TMEM87B: variants seen among roughly 807,000 people sequenced by gnomAD.
TMEM87B encodes transmembrane protein 87B.
A neutral mutation model predicts 80.3 loss-of-function variants in TMEM87B; 83 were observed. That is an observed-to-expected ratio of 1.03 (90% CI 0.87 to 1.24). The LOEUF is 1.24. Among genes scored for constraint, TMEM87B ranks in the 50% most tolerant of loss-of-function variants. The pLI is 0.00. For missense variants in TMEM87B, 625 were observed against 674.4 expected (o/e 0.93, Z 0.81); for synonymous variants, 219 against 230.5 (o/e 0.95, Z 0.45).
chr2:112,066,845 C>A (rs993892231), intron 3 of TMEM87B, 91 bp from the exon 4 acceptor site: 5 of 1,168,088 alleles, frequency 4.3e-6, no homozygotes, highest in Non-Finnish European at 5.8e-6. Flanking sequence ...ACTGAATATA[C>A]TTTTGGTATT....
chr2:112,117,617 C>T lies in TMEM87B; in HGVS notation c.*1474C>T, dbSNP rs1423019613. The T allele has an allele frequency of 1.3e-5, 2 of 151,880 alleles. No individual in the cohort carries two copies. Among genetic ancestry groups the T allele is most frequent in the Non-Finnish European group, 2.9e-5 (2 of 67,970 alleles). 9.4% of individuals were successfully genotyped at this position (151,880 alleles called of 1,614,324 possible). Reference sequence around the variant, plus strand: ...TGTTGGCAAACATTACCGAGAAAATCATGCTTTTCAAGATGCCCTTGCTTT... The same window carrying T: ...TGTTGGCAAACATTACCGAGAAAATTATGCTTTTCAAGATGCCCTTGCTTT... On this transcript the variant is annotated 3_prime_UTR_variant, in exon 19 of 19. Transcript: ENST00000283206.
At chr2:112,103,899 G>A (rs1679697030) in intron 15 of TMEM87B, among the ~76,000 whole-genome samples, 1 of 152,192 alleles carries the variant, frequency 6.6e-6, no homozygotes, top group Non-Finnish European at 1.5e-5. Flanking sequence ...TAAGGATAGA[G>A]AAATCCATCA....
chr2:112,075,837 A>C (rs1360738111), intron 5 of TMEM87B, among the ~76,000 whole-genome samples: 2 of 152,238 alleles, frequency 1.3e-5, no homozygotes, highest in Non-Finnish European at 2.9e-5. Context: ...ACTTTGTACA[A>C]AATCTGTCAT....
chr2:112,098,839 T>C, intron 14 of TMEM87B, 141 bp downstream of exon 14: 1 of 724,764 alleles, frequency 1.4e-6, no homozygotes, highest in South Asian at 1.8e-5. Context: ...GCAAAACAAA[T>C]GCAAGACAGT....
chr2:112,082,716 T>C (rs1679035410), intron 8 of TMEM87B, among the ~76,000 whole-genome samples: 1 of 151,980 alleles, frequency 6.6e-6, no homozygotes, highest in Non-Finnish European at 1.5e-5. Flanking sequence ...AACCAGATGA[T>C]GAAGGAAGGG....
intron 10 of TMEM87B, among the ~76,000 whole-genome samples, chr2:112,090,977 T>C (rs1380041179): frequency 6.6e-6 from 1 of 152,182 alleles, no homozygotes; most frequent in Non-Finnish European, 1.5e-5. Context: ...GTTTGTATGA[T>C]CATGAAGAAC....
rs757913203 is a variant in TMEM87B at position 112,100,658 on chromosome 2, T to C, written c.1413T>C (p.Asp471=). ...AFMPLIDDSD[D]EIEEFMVTSE... is the part of the protein sequence containing the mutation. Reference sequence around the variant, plus strand: ...TGCCCTTAATAGATGATTCTGATGATGAAATTGAGGAATTCATGGTAACTT... The same window carrying C: ...TGCCCTTAATAGATGATTCTGATGACGAAATTGAGGAATTCATGGTAACTT... Residue 471 remains aspartate, a synonymous_variant, in exon 15 of 19, where the codon GAT becomes GAC. Transcript: ENST00000283206. 1 of 1,610,436 alleles carries C rather than the reference T, an allele frequency of 6.2e-7. No homozygotes were observed.
At chr2:112,081,725 T>C (rs1206491235) in intron 8 of TMEM87B, among the ~76,000 whole-genome samples, 2 of 152,198 alleles carry the variant, frequency 1.3e-5, no homozygotes, top group Admixed American at 1.3e-4. Flanking sequence ...TTTTCCTTCT[T>C]GCTAAATTTC....
chr2:112,071,319 C>T (rs1231300108), intron 4 of TMEM87B, among the ~76,000 whole-genome samples: 8 of 145,882 alleles, frequency 5.5e-5, no homozygotes, highest in African/African-American at 7.6e-5. Context: ...CCCCCGCCGC[C>T]GCCACCACTG....
chr2:112,075,031 T>C, intron 5 of TMEM87B, 69 bp downstream of exon 5: 9 of 1,528,764 alleles, frequency 5.9e-6, no homozygotes, highest in Non-Finnish European at 8.0e-6. Flanking sequence ...AAGTCGCTGA[T>C]GGATAGATAC....
chr2:112,093,880 T>A (rs965355762), intron 11 of TMEM87B, among the ~76,000 whole-genome samples: 12 of 152,162 alleles, frequency 7.9e-5, no homozygotes, highest in Non-Finnish European at 1.6e-4. Context: ...TACCTTGCAC[T>A]GGGATAGGCA....
rs1007225219 is a variant in TMEM87B, at chr2:112,098,771, T to C, written c.1376+73T>C. ...TTCTATAGTGTCAAGAACACGTTTA[T>C]AGAAACCAGGAGAATAGTCGTTGCT... On this transcript the variant is annotated intron_variant, in intron 14 of 18. Transcript: ENST00000283206. 8 of 1,416,854 alleles carry C rather than the reference T, an allele frequency of 5.6e-6. No individual in the cohort carries two copies. In the Admixed American group the frequency reaches 7.1e-5, roughly 13 times the overall value. 87.8% of individuals were successfully genotyped at this position (1,416,854 alleles called of 1,614,324 possible). A position where few individuals can be genotyped will look rare whatever the true frequency, so the allele number is the denominator to read the frequency against.
At chr2:112,095,325 C>T (rs1036593574) in intron 11 of TMEM87B, 20 of 983,900 alleles carry the variant, frequency 2.0e-5, no homozygotes, top group East Asian at 1.1e-4. Flanking sequence ...CACAGCAGCG[C>T]GCTCTCACTT....
Position 112,074,924 on chromosome 2 carries a change from A to G in TMEM87B, c.463A>G (p.Ile155Val), listed in dbSNP as rs780369452. The change falls in exon 5 of 19, where the codon ATA (isoleucine) becomes GTA (valine). Residue 155 changes from isoleucine to valine, a missense_variant. Transcript: ENST00000283206. The part of the protein sequence containing the change: ...VFPSLNNKEL[I>V]NIRNVSNQER... ...CTCTTTTTTCCAGAATAAAGAACTA[A>G]TAAATATCAGAAATGTTTCAAACCA... The G allele has an allele frequency of 2.5e-6, 4 of 1,579,736 alleles. No individual in the cohort carries two copies. In the African/African-American group the frequency reaches 4.1e-5, roughly 16 times the overall value.
chr2:112,102,411 A>G (rs1400836540), intron 15 of TMEM87B, among the ~76,000 whole-genome samples: 1 of 152,204 alleles, frequency 6.6e-6, no homozygotes, highest in Non-Finnish European at 1.5e-5. Context: ...AGTACAAATA[A>G]GGCTGGGTGC....
At chr2:112,058,107 G>T (rs996685676) in intron 1 of TMEM87B, among the ~76,000 whole-genome samples, 1 of 152,200 alleles carries the variant, frequency 6.6e-6, no homozygotes, top group South Asian at 2.1e-4. Context: ...GATTACGGGC[G>T]TGAGCCACCG....
intron 8 of TMEM87B, among the ~76,000 whole-genome samples, chr2:112,085,155 A>C (rs1196429463): frequency 2.0e-5 from 3 of 152,222 alleles, no homozygotes; most frequent in Non-Finnish European, 4.4e-5. Context: ...TGCCCTTAAC[A>C]TCGAGTCCAG....
intron 14 of TMEM87B, among the ~76,000 whole-genome samples, chr2:112,099,525 C>CATATAT (rs778514391): frequency 0.017 from 2,108 of 122,636 alleles, 33 homozygotes; most frequent in South Asian, 0.08. Context: ...TACAATAATA[C>CATATAT]ATATATATAT....
Position 112,098,573 on chromosome 2 carries a change from G to T in TMEM87B, c.1273-22G>T, listed in dbSNP as rs781724855. 13 of 1,611,160 alleles carry T rather than the reference G, an allele frequency of 8.1e-6. No individual in the cohort carries two copies. In the Admixed American group the frequency reaches 2.0e-4, roughly 25 times the overall value. On this transcript the variant is annotated intron_variant, in intron 13 of 18. Coordinates refer to ENST00000283206, the MANE Select transcript of TMEM87B (RefSeq NM_032824.3). Reference sequence around the variant, plus strand: ...GCTTATCAGAAAATTAACGTTTCATGCTTGAATTGTCCTTCTTTTAGGATT... The same window carrying T: ...GCTTATCAGAAAATTAACGTTTCATTCTTGAATTGTCCTTCTTTTAGGATT...
Sources: allele counts gnomAD v4.1 joint callset (sites outside exome capture counted in the v4.1 genomes callset), GRCh38; gene constraint gnomAD v4.1.1; transcripts MANE v1.5; gene names NCBI Gene and HGNC (gene_info 2026-07-23, HGNC 2026-07-21).